The following VWA8 variants were observed in gnomAD, a reference collection of about 807,000 sequenced individuals.
VWA8 encodes von Willebrand factor A domain-containing protein 8.
In VWA8, 221 loss-of-function variants were observed where a neutral mutation model predicts 241.5. That is an observed-to-expected ratio of 0.91 (90% CI 0.82 to 1.02). The LOEUF (loss-of-function observed/expected upper bound fraction) is 1.02, where lower values mean the gene tolerates loss of function less well. Ranked by LOEUF, VWA8 falls within the 50% of genes least tolerant of loss-of-function variation. The pLI is 0.00. For missense variants in VWA8, 2,322 were observed against 2,328.7 expected (o/e 1.00, Z 0.06); for synonymous variants, 852 against 827.1 (o/e 1.03, Z -0.52).
intron 12 of VWA8, among the ~76,000 whole-genome samples, chr13:41,840,466 A>G (rs1172382265): frequency 1.4e-5 from 2 of 147,894 alleles, no homozygotes. Context: ...TAAAGTATTA[A>G]AAAAAAAAAA....
chr13:41,840,320 C>T (rs541253442), intron 12 of VWA8, among the ~76,000 whole-genome samples: 3 of 151,824 alleles, frequency 2.0e-5, no homozygotes, highest in East Asian at 3.9e-4. Context: ...CTGGGGATGG[C>T]GGGGCTAGAG....
At chr13:41,908,892 A>C (rs1021061980) in intron 3 of VWA8, among the ~76,000 whole-genome samples, 3 of 152,244 alleles carry the variant, frequency 2.0e-5, no homozygotes, top group Non-Finnish European at 4.4e-5. Context: ...GGGAATGAAC[A>C]TGCCATTAAT....
chr13:41,784,491 T>C (rs1161160086), intron 18 of VWA8, among the ~76,000 whole-genome samples: 3 of 151,570 alleles, frequency 2.0e-5, no homozygotes, highest in Non-Finnish European at 4.4e-5. Context: ...AGAGAGACCC[T>C]GTCTCTACAA....
intron 40 of VWA8, among the ~76,000 whole-genome samples, chr13:41,591,567 C>A (rs537843272): frequency 1.3e-5 from 2 of 152,142 alleles, no homozygotes; most frequent in African/African-American, 4.8e-5. Flanking sequence ...ACCTACTCAT[C>A]TGACAAAGGG....
chr13:41,702,653 C>T (rs1475945075), intron 27 of VWA8, among the ~76,000 whole-genome samples: 4 of 152,176 alleles, frequency 2.6e-5, no homozygotes, highest in Non-Finnish European at 4.4e-5. Flanking sequence ...TTGCACTATA[C>T]GGCAGAGTTG....
intron 31 of VWA8, among the ~76,000 whole-genome samples, 170 bp from the exon 32 acceptor site, chr13:41,691,615 T>G (rs2045178269): frequency 6.6e-6 from 1 of 152,124 alleles, no homozygotes. Context: ...AATTCTAAAC[T>G]ATGTCAGGGT....
chr13:41,800,844 C>T (rs1034406243), intron 17 of VWA8, among the ~76,000 whole-genome samples: 2 of 151,400 alleles, frequency 1.3e-5, no homozygotes, highest in Non-Finnish European at 2.9e-5. Flanking sequence ...TTAAATTTCC[C>T]ACTCCAAATA....
chr13:41,918,222 A>C (rs923766832), intron 2 of VWA8, among the ~76,000 whole-genome samples: 15 of 152,240 alleles, frequency 9.9e-5, no homozygotes, highest in Non-Finnish European at 1.5e-4. Context: ...CAGCTTACGT[A>C]GCTTATATAA....
chr13:41,719,248 CTA>C (rs772363087), intron 26 of VWA8: 22 of 661,480 alleles, frequency 3.3e-5, no homozygotes, highest in Middle Eastern at 6.7e-4. Context: ...TACATTATCT[CTA>C]TGTGATTTTC....
rs139272203 is a variant in VWA8, at chr13:41,936,052, A to G, written c.241+13884T>C. 8.4e-3 allele frequency among the ~76,000 whole-genome samples: 1,278 copies of G among 152,202 alleles called. 10 individuals carry two copies. Among genetic ancestry groups the G allele is most frequent in the South Asian group, 0.035 (167 of 4,818 alleles). On this transcript the variant is annotated intron_variant, in intron 2 of 44. Transcript: ENST00000379310. ...TTAGGTACTGATTTTTTCATAATGG[A>G]TAAAGCATAAAAAAGAAATGTCAGA...
chr13:41,664,455 G>T (rs1355541492), intron 37 of VWA8, among the ~76,000 whole-genome samples: 2 of 144,784 alleles, frequency 1.4e-5, no homozygotes, highest in African/African-American at 2.6e-5. Flanking sequence ...TGTATATCTG[G>T]TTCTTTAGTT....
In VWA8 at chr13:41,841,996, C is replaced by T. The variant is rs184379254; in HGVS notation, c.1426-8465G>A. ...AATGAGTTTTACTTATTAAGCAATA[C>T]TTATTATACCAGGAAAATACCATAC... On this transcript the variant is annotated intron_variant, in intron 12 of 44. Transcript: ENST00000379310. 6.5e-4 allele frequency among the ~76,000 whole-genome samples: 98 copies of T among 150,624 alleles called. 1 individual carries two copies. Among genetic ancestry groups the T allele is most frequent in the African/African-American group, 2.2e-3 (90 of 40,978 alleles).
chr13:41,699,075 T>G lies in VWA8; in HGVS notation c.3560A>C (p.Gln1187Pro), dbSNP rs531668890. ...PLKGQVVLHE[Q>P]QSNVILLLDT... is the part of the protein sequence containing the mutation. ...TTGTAGCCTGGTGTGCATTACCTGC[T>G]GCTCATGGAGAACCACTTGACCTTT... Residue 1187 changes from glutamine to proline, a missense_variant, in exon 29 of 45, where the codon CAG becomes CCG. Physicochemically the swap from Gln to Pro is moderately conservative, Grantham distance 76. Coordinates refer to ENST00000379310, the MANE Select transcript of VWA8 (RefSeq NM_015058.2). 1.2e-6 allele frequency: 2 copies of G among 1,613,948 alleles called. No homozygotes were observed. The highest frequency in any genetic ancestry group is 1.3e-5 in the African/African-American group (1 of 75,050).
intron 34 of VWA8, among the ~76,000 whole-genome samples, chr13:41,688,509 T>C (rs1188479095): frequency 6.6e-6 from 1 of 152,082 alleles, no homozygotes; most frequent in Non-Finnish European, 1.5e-5. Flanking sequence ...CTACAGTCAA[T>C]TCAAATAGCT....
intron 35 of VWA8, 26 bp from the exon 36 acceptor site, chr13:41,675,322 A>C (rs767869340): frequency 3.8e-6 from 6 of 1,561,430 alleles, no homozygotes; most frequent in African/African-American, 1.4e-5. Flanking sequence ...GACATGAGCC[A>C]AGTATTAAAT....
In VWA8 at chr13:41,891,465, A is replaced by G. The variant is rs2099664517; in HGVS notation, c.606T>C (p.Asp202=). The change falls in exon 5 of 45, where the codon GAT becomes GAC. Residue 202 remains aspartate, a synonymous_variant. Coordinates refer to ENST00000379310, the MANE Select transcript of VWA8 (RefSeq NM_015058.2). Reference sequence around the variant, plus strand: ...GCTCAGCAGACATCAGGAAGCGTCCATCTTCAAGCTGCATCTCTCTGTTTT... The same window carrying G: ...GCTCAGCAGACATCAGGAAGCGTCCGTCTTCAAGCTGCATCTCTCTGTTTT... The part of the protein sequence containing the change: ...LLENREMQLE[D]GRFLMSAERY... The G allele has an allele frequency of 1.9e-6, 3 of 1,614,246 alleles. No individual in the cohort carries two copies. Among genetic ancestry groups the G allele is most frequent in the Middle Eastern group, 1.6e-4 (1 of 6,062 alleles).
At chr13:41,808,005 G>C (rs1188290695) in intron 17 of VWA8, 5 of 151,690 alleles carry the variant, frequency 3.3e-5, no homozygotes, top group Non-Finnish European at 4.4e-5. Flanking sequence ...AAAATAAAGG[G>C]ACAGAAAAAA....
At position 41,664,267 on chromosome 13, in the gene VWA8, C is replaced by A. The variant is rs111636629; in HGVS notation, c.4611+6679G>T. ...GTTTCCAATGCTGCTTTGGAGAAAC[C>A]CAGTGCCATTAGGATTTCTACCACT... On this transcript the variant is annotated intron_variant, in intron 37 of 44. Coordinates refer to ENST00000379310, the MANE Select transcript of VWA8 (RefSeq NM_015058.2). 3.9e-3 allele frequency among the ~76,000 whole-genome samples: 599 copies of A among 152,068 alleles called. 2 individuals carry two copies. The highest frequency in any genetic ancestry group is 0.014 in the African/African-American group (570 of 41,496).
In VWA8 at chr13:41,719,589, A is replaced by G. The variant is rs962868181; in HGVS notation, c.3116+2T>C. ...ATCAGAAGAGTACTGAATTTGCCTT[A>G]CTCCTTTGCCAGCTGCACACTGGTA... is the stretch of plus-strand genomic sequence containing the variant. On this transcript the variant is annotated splice_donor_variant, in intron 26 of 44. Transcript: ENST00000379310. LOFTEE classifies it high-confidence loss of function. 3.7e-6 allele frequency: 6 copies of G among 1,612,570 alleles called. No homozygotes were observed. The highest frequency in any genetic ancestry group is 5.1e-6 in the Non-Finnish European group (6 of 1,179,102).
Sources: gnomAD v4.1 joint callset for allele counts (sites outside exome capture counted in the v4.1 genomes callset) on GRCh38, gnomAD v4.1.1 for gene constraint, MANE v1.5 for transcripts, NCBI Gene and HGNC (gene_info 2026-07-23, HGNC 2026-07-21) for gene names.